CAMK1D: variants seen among roughly 807,000 people sequenced by gnomAD.
CAMK1D encodes the protein calcium/calmodulin dependent protein kinase ID.
In CAMK1D, 9 loss-of-function variants were observed where a neutral mutation model predicts 47.7. That is an observed-to-expected ratio of 0.19 (90% CI 0.11 to 0.33). The LOEUF is 0.33. CAMK1D is among the 10% of genes least tolerant of loss of function. The probability of loss-of-function intolerance (pLI) is 1.00; values close to 1 mark genes in which losing one functional copy is unlikely to be tolerated. For synonymous variants in CAMK1D, 184 were observed against 184.9 expected (o/e 0.99, Z 0.04); for missense variants, 291 against 488.7 (o/e 0.60, Z 3.81).
At chr10:12,423,278 T>G (rs1035315379) in intron 1 of CAMK1D, among the ~76,000 whole-genome samples, 1 of 151,560 alleles carries the variant, frequency 6.6e-6, no homozygotes, top group Non-Finnish European at 1.5e-5. Context: ...CTTTGAGAGG[T>G]CAAGGTGGGA....
At chr10:12,462,287 T>A (rs1833456546) in intron 1 of CAMK1D, among the ~76,000 whole-genome samples, 1 of 146,338 alleles carries the variant, frequency 6.8e-6, no homozygotes, top group East Asian at 2.2e-4. Flanking sequence ...TGCCTTAGCC[T>A]CCCGAGTAAC....
intron 2 of CAMK1D, among the ~76,000 whole-genome samples, chr10:12,646,448 T>C (rs1207871687): frequency 6.6e-6 from 1 of 152,220 alleles, no homozygotes; most frequent in East Asian, 1.9e-4. Context: ...CCACATTTCA[T>C]TTCAGAGACA....
rs182801733 is a variant in CAMK1D at position 12,719,101 on chromosome 10, A to C, written c.300-41847A>C. 5.6e-4 allele frequency among the ~76,000 whole-genome samples: 86 copies of C among 152,328 alleles called. 1 individual carries two copies. Among genetic ancestry groups the C allele is most frequent in the Admixed American group, 5.0e-3 (77 of 15,294 alleles). ...TTTTTGACCGAAGGTTCTCATGGGA[A>C]GTTCCCCATTAAAATTGTTATAGAG... On this transcript the variant is annotated intron_variant, in intron 3 of 10. Coordinates refer to ENST00000619168, the MANE Select transcript of CAMK1D (RefSeq NM_153498.4).
intron 5 of CAMK1D, among the ~76,000 whole-genome samples, chr10:12,788,580 G>T (rs1303170677): frequency 1.3e-5 from 2 of 152,224 alleles, no homozygotes; most frequent in African/African-American, 4.8e-5. Context: ...GGCCCCGGAT[G>T]GTCCTTGTGG....
chr10:12,578,168 G>A (rs113821412), intron 2 of CAMK1D, among the ~76,000 whole-genome samples: 4,710 of 151,436 alleles, frequency 0.031, 244 homozygotes, highest in African/African-American at 0.11. Context: ...TCGACCTCCC[G>A]GGCCCAAGCG....
At chr10:12,364,934 A>G (rs931595544) in intron 1 of CAMK1D, among the ~76,000 whole-genome samples, 2 of 151,302 alleles carry the variant, frequency 1.3e-5, no homozygotes, top group Non-Finnish European at 2.9e-5. Context: ...GTGAAGAACT[A>G]TGGAATCTTG....
At chr10:12,437,160 T>G (rs968304011) in intron 1 of CAMK1D, among the ~76,000 whole-genome samples, 1 of 151,770 alleles carries the variant, frequency 6.6e-6, no homozygotes, top group Non-Finnish European at 1.5e-5. Flanking sequence ...TGTCTATCTA[T>G]CATCTATCTG....
chr10:12,639,037 C>G (rs1839593179), intron 2 of CAMK1D, among the ~76,000 whole-genome samples: 2 of 152,340 alleles, frequency 1.3e-5, no homozygotes, highest in Middle Eastern at 3.4e-3. Context: ...GGCTTCAATA[C>G]ATAGCTCATT....
chr10:12,456,926 A>AC (rs1394304045), intron 1 of CAMK1D, among the ~76,000 whole-genome samples: 1 of 152,092 alleles, frequency 6.6e-6, no homozygotes, highest in Admixed American at 6.6e-5. Flanking sequence ...TACTGCAGAT[A>AC]CACCCCCACA....
intron 2 of CAMK1D, among the ~76,000 whole-genome samples, chr10:12,575,138 G>C (rs1837453733): frequency 6.6e-6 from 1 of 151,994 alleles, no homozygotes; most frequent in Non-Finnish European, 1.5e-5. Flanking sequence ...TGTTGCCCAG[G>C]CTGTAGCGTA....
intron 1 of CAMK1D, among the ~76,000 whole-genome samples, chr10:12,370,810 G>A (rs1247388200): frequency 6.6e-6 from 1 of 152,112 alleles, no homozygotes; most frequent in African/African-American, 2.4e-5. Flanking sequence ...GTTTCACCGT[G>A]CTGGCCAGGC....
chr10:12,674,318 A>G (rs958887126), intron 3 of CAMK1D, among the ~76,000 whole-genome samples: 3 of 152,336 alleles, frequency 2.0e-5, no homozygotes, highest in Admixed American at 2.0e-4. Flanking sequence ...GAGCTAAGAA[A>G]GTCTTTAGCT....
intron 2 of CAMK1D, among the ~76,000 whole-genome samples, chr10:12,655,677 T>C (rs147496891): frequency 3.4e-4 from 52 of 152,344 alleles, no homozygotes; most frequent in African/African-American, 1.1e-3. Flanking sequence ...TATTTCTCCT[T>C]TGGTCGAAAG....
intron 1 of CAMK1D, among the ~76,000 whole-genome samples, chr10:12,369,912 C>T (rs1158199735): frequency 2.7e-5 from 4 of 150,320 alleles, no homozygotes; most frequent in East Asian, 3.9e-4. Context: ...GCTGAGATCA[C>T]GTCATTGCAC....
chr10:12,587,256 C>A (rs1564429195), intron 2 of CAMK1D, among the ~76,000 whole-genome samples: 1 of 152,074 alleles, frequency 6.6e-6, no homozygotes, highest in Non-Finnish European at 1.5e-5. Flanking sequence ...AGTAGCCAGC[C>A]CACGATCGCT....
At position 12,406,705 on chromosome 10, in the gene CAMK1D, A is replaced by G. The variant is rs182514792; in HGVS notation, c.92+56795A>G. On this transcript the variant is annotated intron_variant, in intron 1 of 10. Transcript: ENST00000619168. ...GCCACTACACTCCAGCCTGGGTGAC[A>G]AAATGAGACCCTGTCTCAAAAAAAA... Among the ~76,000 whole-genome samples the G allele has an allele frequency of 4.1e-5, 6 of 144,990 alleles. No homozygotes were observed. The East Asian group carries it at 1.2e-3, about 30-fold the overall frequency.
intron 2 of CAMK1D, among the ~76,000 whole-genome samples, chr10:12,562,770 G>C (rs1424188295): frequency 6.6e-6 from 1 of 152,156 alleles, no homozygotes; most frequent in Non-Finnish European, 1.5e-5. Flanking sequence ...TGTGCCATGG[G>C]ATCTCTGCTG....
chr10:12,751,054 AAGATAAGATAAGAT>A, intron 3 of CAMK1D, among the ~76,000 whole-genome samples: 1 of 248 alleles, frequency 4.0e-3, no homozygotes, highest in East Asian at 0.026. Context: ...CTCCCCCAAT[AAGATAAGATAAGAT>A]AAGATAAGAT....
At chr10:12,684,641 A>T (rs1832583364) in intron 3 of CAMK1D, among the ~76,000 whole-genome samples, 1 of 152,222 alleles carries the variant, frequency 6.6e-6, no homozygotes, top group Admixed American at 6.5e-5. Context: ...TGAATTGAAC[A>T]AGTTCCTATA....
Sources: gnomAD v4.1 joint callset for allele counts (sites outside exome capture counted in the v4.1 genomes callset) on GRCh38, gnomAD v4.1.1 for gene constraint, MANE v1.5 for transcripts, NCBI Gene and HGNC (gene_info 2026-07-23, HGNC 2026-07-21) for gene names.